CMKLR1: variants seen among roughly 807,000 people sequenced by gnomAD.
CMKLR1 encodes the protein chemerin-like receptor 1.
Under a neutral mutation model 8.2 loss-of-function variants are expected in CMKLR1, and 6 were observed. That is an observed-to-expected ratio of 0.73 (90% CI 0.40 to 1.44). The LOEUF is 1.44. CMKLR1 is among the 40% of genes most tolerant of loss of function. CMKLR1 has a pLI of 0.02. For missense variants in CMKLR1, 429 were observed against 478.0 expected (o/e 0.90, Z 0.96); for synonymous variants, 178 against 181.2 (o/e 0.98, Z 0.14).
chr12:108,312,280 C>A (rs1325769229), intron 2 of CMKLR1, among the ~76,000 whole-genome samples: 1 of 152,188 alleles, frequency 6.6e-6, no homozygotes, highest in Non-Finnish European at 1.5e-5. Context: ...GCATCTATGC[C>A]CTTATCACAG....
rs1424169450 is a variant in CMKLR1 at position 108,293,620 on chromosome 12, A to G, written c.-29T>C. 3 of 1,548,268 alleles carry G rather than the reference A, an allele frequency of 1.9e-6. No individual in the cohort carries two copies. The highest frequency in any genetic ancestry group is 1.7e-6 in the Non-Finnish European group (2 of 1,145,826). ...CCGTTATGTTGTCTGCAGCTCTCCA[A>G]TGTGAGTCCTCAGCCAATCAGTCCC... On this transcript the variant is annotated 5_prime_UTR_variant, in exon 3 of 4. Transcript: ENST00000550402.
chr12:108,314,273 G>A (rs1891661609), intron 2 of CMKLR1, among the ~76,000 whole-genome samples: 1 of 152,174 alleles, frequency 6.6e-6, no homozygotes, highest in Non-Finnish European at 1.5e-5. Flanking sequence ...CACTGACAGT[G>A]GCTGGACCAT....
chr12:108,312,347 C>T (rs754823643), intron 2 of CMKLR1, among the ~76,000 whole-genome samples: 4 of 152,208 alleles, frequency 2.6e-5, no homozygotes, highest in Non-Finnish European at 5.9e-5. Flanking sequence ...GACTGTGAAA[C>T]GTGTCCAGGC....
In CMKLR1 at chr12:108,332,066, G is replaced by T. The variant is rs569717975; in HGVS notation, c.-286-1859C>A. Among the ~76,000 whole-genome samples the T allele has an allele frequency of 8.5e-5, 13 of 152,288 alleles. No homozygotes were observed. The East Asian group carries it at 2.5e-3, about 29-fold the overall frequency. On this transcript the variant is annotated intron_variant, in intron 1 of 3. Coordinates refer to ENST00000550402, the MANE Select transcript of CMKLR1 (RefSeq NM_001142343.2). Reference sequence around the variant, plus strand: ...CTGATAACTGTTCAAACCAATTCAGGTAACAAAGGATGGGCATTTGAGTGT... The same window carrying T: ...CTGATAACTGTTCAAACCAATTCAGTTAACAAAGGATGGGCATTTGAGTGT...
At chr12:108,297,601 GC>G (rs1891170120) in intron 2 of CMKLR1, among the ~76,000 whole-genome samples, 1 of 152,154 alleles carries the variant, frequency 6.6e-6, no homozygotes, top group South Asian at 2.1e-4. Context: ...ACTCCTATTT[GC>G]AGATGAGAAA....
At chr12:108,306,465 C>T (rs1456590300) in intron 2 of CMKLR1, among the ~76,000 whole-genome samples, 1 of 152,148 alleles carries the variant, frequency 6.6e-6, no homozygotes, top group African/African-American at 2.4e-5. Flanking sequence ...TTTCCCCTCC[C>T]TCCCTACCCA....
chr12:108,330,163 A>C lies in CMKLR1; in HGVS notation c.-242T>G, dbSNP rs1459325802. On this transcript the variant is annotated 5_prime_UTR_variant, in exon 2 of 4. Coordinates refer to ENST00000550402, the MANE Select transcript of CMKLR1 (RefSeq NM_001142343.2). ...CTGCTATCATTGTTGCAGAGCCCTG[A>C]GCCTCCTGGTAGAAAAATCCAAGCA... The C allele has an allele frequency of 6.6e-6, 1 of 152,200 alleles. No homozygotes were observed. The highest frequency in any genetic ancestry group is 1.5e-5 in the Non-Finnish European group (1 of 68,062). 9.4% of individuals were successfully genotyped at this position (152,200 alleles called of 1,614,324 possible).
At position 108,306,784 on chromosome 12, in the gene CMKLR1, G is replaced by A. The variant is rs79111060; in HGVS notation, c.-73-13120C>T. ...CTGAGGCTCGAGCCCAGACCCAGACGGAACCAAGTTCCATGAGAACACGCC... is the reference window on the plus strand; with the variant it reads ...CTGAGGCTCGAGCCCAGACCCAGACAGAACCAAGTTCCATGAGAACACGCC... On this transcript the variant is annotated intron_variant, in intron 2 of 3. Transcript: ENST00000550402. Among the ~76,000 whole-genome samples, 381 of 152,226 alleles carry A rather than the reference G, an allele frequency of 2.5e-3. 2 individuals carry two copies. Among genetic ancestry groups the A allele is most frequent in the African/African-American group, 8.1e-3 (336 of 41,516 alleles).
intron 2 of CMKLR1, among the ~76,000 whole-genome samples, chr12:108,323,248 C>G (rs914703259): frequency 1.3e-5 from 2 of 152,186 alleles, no homozygotes; most frequent in African/African-American, 4.8e-5. Context: ...TTAATACCCA[C>G]GAAAATAGGT....
chr12:108,308,744 A>G (rs1308320300), intron 2 of CMKLR1, among the ~76,000 whole-genome samples: 1 of 152,196 alleles, frequency 6.6e-6, no homozygotes, highest in Non-Finnish European at 1.5e-5. Flanking sequence ...CAATCTTGAT[A>G]TTGGGCTCAG....
At position 108,293,647 on chromosome 12, in the gene CMKLR1, G is replaced by C; in HGVS notation, c.-56C>G. 1 of 1,357,466 alleles carries C rather than the reference G, an allele frequency of 7.4e-7. No individual in the cohort carries two copies. The highest frequency in any genetic ancestry group is 1.0e-6 in the Non-Finnish European group (1 of 987,944). 84.1% of individuals were successfully genotyped at this position (1,357,466 alleles called of 1,614,324 possible). Reference sequence around the variant, plus strand: ...GTGAGTCCTCAGCCAATCAGTCCCTGTACACAGCTAGAAACACCTGTAGGG... The same window carrying C: ...GTGAGTCCTCAGCCAATCAGTCCCTCTACACAGCTAGAAACACCTGTAGGG... On this transcript the variant is annotated 5_prime_UTR_variant, in exon 3 of 4. Transcript: ENST00000550402.
At position 108,293,021 on chromosome 12, in the gene CMKLR1, T is replaced by G. The variant is rs566373835; in HGVS notation, c.4-62A>C. 1.2e-5 allele frequency: 18 copies of G among 1,458,706 alleles called. No individual in the cohort carries two copies. In the African/African-American group the frequency reaches 2.5e-4, roughly 21 times the overall value. 90.4% of individuals were successfully genotyped at this position (1,458,706 alleles called of 1,614,324 possible). On this transcript the variant is annotated intron_variant, in intron 3 of 3. Transcript: ENST00000550402. ...GAGTTGGCTTTAAGAGGTTGACCAA[T>G]ACCAGCAAGACCAACAATGTTCCCC...
chr12:108,304,647 C>T (rs150494792), intron 2 of CMKLR1, among the ~76,000 whole-genome samples: 1 of 152,302 alleles, frequency 6.6e-6, no homozygotes, highest in African/African-American at 2.4e-5. Context: ...CATCTCTCTG[C>T]AGTCTCCCTG....
chr12:108,325,526 A>G (rs149969200), intron 2 of CMKLR1, among the ~76,000 whole-genome samples: 23 of 152,266 alleles, frequency 1.5e-4, no homozygotes, highest in African/African-American at 5.5e-4. Context: ...AATACCAAAA[A>G]TATTTAAATA....
At chr12:108,332,469 T>C (rs1892133048) in intron 1 of CMKLR1, among the ~76,000 whole-genome samples, 1 of 152,172 alleles carries the variant, frequency 6.6e-6, no homozygotes, top group African/African-American at 2.4e-5. Flanking sequence ...CAAAAGAGAT[T>C]AACATTTGAG....
At chr12:108,316,349 A>G (rs555591847) in intron 2 of CMKLR1, among the ~76,000 whole-genome samples, 2 of 152,250 alleles carry the variant, frequency 1.3e-5, no homozygotes, top group African/African-American at 4.8e-5. Flanking sequence ...GCCAAGAAAG[A>G]GCAGAGAGAA....
chr12:108,305,724 G>C (rs1891390223), intron 2 of CMKLR1, among the ~76,000 whole-genome samples: 2 of 152,226 alleles, frequency 1.3e-5, no homozygotes, highest in African/African-American at 4.8e-5. Flanking sequence ...CGTGTCAGGA[G>C]AGAATTTCCT....
intron 2 of CMKLR1, among the ~76,000 whole-genome samples, chr12:108,310,163 C>G (rs1358850050): frequency 1.4e-5 from 2 of 142,418 alleles, no homozygotes; most frequent in Non-Finnish European, 3.1e-5. Context: ...TGGTTAGGGG[C>G]TGTGTGTGTG....
At chr12:108,331,652 T>C (rs899768315) in intron 1 of CMKLR1, among the ~76,000 whole-genome samples, 7 of 152,222 alleles carry the variant, frequency 4.6e-5, no homozygotes, top group East Asian at 1.9e-4. Flanking sequence ...GGTGGGATTA[T>C]GCTGGATTAC....
Sources: allele counts gnomAD v4.1 joint callset (sites outside exome capture counted in the v4.1 genomes callset), GRCh38; gene constraint gnomAD v4.1.1; transcripts MANE v1.5; gene names NCBI Gene and HGNC (gene_info 2026-07-23, HGNC 2026-07-21).